The following CPVL variants were observed in gnomAD, a reference collection of about 807,000 sequenced individuals.
CPVL encodes carboxypeptidase vitellogenic like, also known as probable serine carboxypeptidase CPVL.
A neutral mutation model predicts 63.7 loss-of-function variants in CPVL; 51 were observed. That is an observed-to-expected ratio of 0.80 (90% CI 0.64 to 1.01). The LOEUF (loss-of-function observed/expected upper bound fraction) is 1.01, where lower values mean the gene tolerates loss of function less well. CPVL is among the 50% of genes least tolerant of loss of function. The pLI is 0.00. For missense variants in CPVL, 530 were observed against 573.1 expected, an observed-to-expected ratio of 0.92 and a Z score of 0.77; for synonymous variants, 195 against 206.0, an observed-to-expected ratio of 0.95 and a Z score of 0.46.
At chr7:29,054,069 CACAAA>C (rs767939905) in intron 11 of CPVL, among the ~76,000 whole-genome samples, 20 of 151,866 alleles carry the variant, frequency 1.3e-4, no homozygotes, top group Admixed American at 5.9e-4. Flanking sequence ...AAGATCCTGT[CACAAA>C]ACAAAACAAA....
chr7:29,007,762 C>T (rs1785344666), intron 12 of CPVL, among the ~76,000 whole-genome samples: 1 of 151,894 alleles, frequency 6.6e-6, no homozygotes, highest in African/African-American at 2.4e-5. Flanking sequence ...AACACACACA[C>T]ACACACACAC....
rs751931388 is a variant in CPVL at position 29,049,627 on chromosome 7, G to C, written c.1137+14434C>G. ...ACCAATCCTTTTAATACTATTCCAC[G>C]ACATAGAGAAAGAGGGAAACCTCCC... On this transcript the variant is annotated intron_variant, in intron 11 of 12. Coordinates refer to ENST00000265394, the MANE Select transcript of CPVL (RefSeq NM_031311.5). 5.9e-5 allele frequency among the ~76,000 whole-genome samples: 9 copies of C among 151,876 alleles called. No individual in the cohort carries two copies. The East Asian group carries it at 1.7e-3, about 29-fold the overall frequency.
At chr7:29,042,849 GA>G (rs1789250658) in intron 11 of CPVL, among the ~76,000 whole-genome samples, 2 of 152,206 alleles carry the variant, frequency 1.3e-5, no homozygotes, top group African/African-American at 4.8e-5. Context: ...GAGATGCTCA[GA>G]AGCTCTCAAA....
chr7:29,094,831 G>A (rs767653544), intron 5 of CPVL, among the ~76,000 whole-genome samples: 9 of 151,546 alleles, frequency 5.9e-5, no homozygotes, highest in African/African-American at 9.7e-5. Context: ...GGGCGACAGA[G>A]CGAGACTCCA....
intron 1 of CPVL, among the ~76,000 whole-genome samples, chr7:29,191,312 G>A (rs1388051649): frequency 6.6e-6 from 1 of 152,232 alleles, no homozygotes; most frequent in African/African-American, 2.4e-5. Flanking sequence ...TGCCCATTGA[G>A]AGGTACAGTA....
intron 3 of CPVL, among the ~76,000 whole-genome samples, chr7:29,100,891 A>C (rs1458324808): frequency 6.6e-6 from 1 of 152,240 alleles, no homozygotes; most frequent in Non-Finnish European, 1.5e-5. Flanking sequence ...AATAAAACAT[A>C]AAAGTCAGAT....
At chr7:29,158,267 T>G (rs569392595) in intron 5 of CPVL, among the ~76,000 whole-genome samples, 1 of 152,318 alleles carries the variant, frequency 6.6e-6, no homozygotes, top group South Asian at 2.1e-4. Context: ...GAAAAGCAGT[T>G]TATAGCACAC....
intron 3 of CPVL, among the ~76,000 whole-genome samples, chr7:29,109,460 T>G (rs1487820299): frequency 6.6e-6 from 1 of 152,184 alleles, no homozygotes; most frequent in East Asian, 1.9e-4. Context: ...GACAATGAAC[T>G]AATATCTCTG....
intron 7 of CPVL, among the ~76,000 whole-genome samples, chr7:29,079,508 A>G (rs149679152): frequency 6.6e-6 from 1 of 152,332 alleles, no homozygotes; most frequent in East Asian, 1.9e-4. Context: ...CACCTATTTC[A>G]TAAGGCAGCT....
chr7:29,110,612 T>G (rs1278989249), intron 3 of CPVL, among the ~76,000 whole-genome samples: 1 of 152,186 alleles, frequency 6.6e-6, no homozygotes, highest in Non-Finnish European at 1.5e-5. Flanking sequence ...AGAAAACATA[T>G]CGAGACTCAA....
chr7:29,117,593 G>A (rs1046234298), intron 2 of CPVL, among the ~76,000 whole-genome samples: 11 of 152,126 alleles, frequency 7.2e-5, no homozygotes, highest in Admixed American at 3.3e-4. Flanking sequence ...TAGCATAGTG[G>A]TTCATACCAT....
In CPVL at chr7:29,092,215, A is replaced by G. The variant is rs564897608; in HGVS notation, c.542+408T>C. On this transcript the variant is annotated intron_variant, in intron 6 of 12. Transcript: ENST00000265394. ...TTTTTTTAAGCAAAACAAAACTTTC[A>G]TAAGAAGAAGAGAGAATACTAGAGA... Among the ~76,000 whole-genome samples the G allele has an allele frequency of 4.7e-5, 7 of 150,372 alleles. No homozygotes were observed. In the South Asian group the frequency reaches 1.3e-3, roughly 27 times the overall value.
intron 5 of CPVL, among the ~76,000 whole-genome samples, chr7:29,094,813 G>C (rs897380730): frequency 6.6e-6 from 1 of 151,680 alleles, no homozygotes; most frequent in Admixed American, 6.6e-5. Context: ...GCAGTGAGCT[G>C]CCAGCCTGGG....
At chr7:29,130,505 T>C (rs1040563266) in intron 1 of CPVL, among the ~76,000 whole-genome samples, 3 of 152,194 alleles carry the variant, frequency 2.0e-5, no homozygotes, top group Non-Finnish European at 4.4e-5. Context: ...ACAGAACATC[T>C]CATAGCCGTT....
At chr7:29,074,543 A>G (rs1462533086) in intron 7 of CPVL, among the ~76,000 whole-genome samples, 2 of 152,066 alleles carry the variant, frequency 1.3e-5, no homozygotes, top group Admixed American at 6.6e-5. Flanking sequence ...AGGCATTGAC[A>G]TGGTTTGCCT....
At chr7:29,147,425 T>C (rs1792903571), upstream of CPVL, 1 of 158,334 alleles carries the variant, frequency 6.3e-6, no homozygotes, top group Non-Finnish European at 1.4e-5. Flanking sequence ...GGAAAAATTG[T>C]TTTAAGCCAC....
chr7:28,999,622 G>A (rs938303259), intron 12 of CPVL, among the ~76,000 whole-genome samples: 4 of 152,156 alleles, frequency 2.6e-5, no homozygotes, highest in African/African-American at 9.7e-5. Context: ...AGTGGTGAAG[G>A]AGCGCTGAAG....
At chr7:29,051,842 C>T (rs1790191246) in intron 11 of CPVL, among the ~76,000 whole-genome samples, 1 of 151,616 alleles carries the variant, frequency 6.6e-6, no homozygotes, top group African/African-American at 2.4e-5. Context: ...GAACCAAAAC[C>T]AACCCAAATG....
At chr7:29,107,902 T>C (rs530226551) in intron 3 of CPVL, among the ~76,000 whole-genome samples, 9 of 152,214 alleles carry the variant, frequency 5.9e-5, no homozygotes, top group Non-Finnish European at 8.8e-5. Context: ...GAAGGGCTGT[T>C]CTGTTGGCTT....
Sources: allele counts gnomAD v4.1 joint callset (sites outside exome capture counted in the v4.1 genomes callset), GRCh38; gene constraint gnomAD v4.1.1; transcripts MANE v1.5; gene names NCBI Gene and HGNC (gene_info 2026-07-23, HGNC 2026-07-21).